MPP4: variants seen among roughly 807,000 people sequenced by gnomAD.
The protein encoded by MPP4 is MAGUK p55 scaffold protein 4.
In MPP4, 91 loss-of-function variants were observed where a neutral mutation model predicts 98.3. The observed-to-expected ratio is 0.93, with a 90% CI of 0.78 to 1.10. The LOEUF is 1.10. Ranked by LOEUF, MPP4 falls within the 50% of genes least tolerant of loss-of-function variation. MPP4 has a pLI of 0.00. For synonymous variants in MPP4, 261 were observed against 271.8 expected, an observed-to-expected ratio of 0.96 and a Z score of 0.39; for missense variants, 744 against 792.9, an observed-to-expected ratio of 0.94 and a Z score of 0.74.
chr2:201,670,563 A>G (rs1688313939), intron 11 of MPP4, among the ~76,000 whole-genome samples: 1 of 152,222 alleles, frequency 6.6e-6, no homozygotes, highest in African/African-American at 2.4e-5. Context: ...CAGGCCACAT[A>G]AGCAAATTAA....
intron 14 of MPP4, chr2:201,661,686 A>G: frequency 4.5e-6 from 2 of 447,400 alleles, no homozygotes; most frequent in South Asian, 3.1e-5. Flanking sequence ...CTTTATTCAT[A>G]TAAATTATTG....
intron 20 of MPP4, among the ~76,000 whole-genome samples, chr2:201,649,249 C>T (rs1339532329): frequency 6.6e-6 from 1 of 152,186 alleles, no homozygotes; most frequent in Non-Finnish European, 1.5e-5. Flanking sequence ...GAAACCTCAC[C>T]TCCTTGTACA....
intron 1 of MPP4, among the ~76,000 whole-genome samples, chr2:201,695,330 C>T (rs1689148449): frequency 6.6e-6 from 1 of 152,184 alleles, no homozygotes; most frequent in Non-Finnish European, 1.5e-5. Flanking sequence ...GCAAAGTTTT[C>T]CACAAGTTGC....
chr2:201,678,726 T>TG (rs1208742220), intron 10 of MPP4, among the ~76,000 whole-genome samples: 2 of 151,944 alleles, frequency 1.3e-5, no homozygotes, highest in Non-Finnish European at 2.9e-5. Flanking sequence ...GGCCTGGAGG[T>TG]GGGGGGTGTG....
At chr2:201,660,514 G>T (rs1687996215) in intron 14 of MPP4, among the ~76,000 whole-genome samples, 168 bp from the exon 15 acceptor site, 1 of 152,102 alleles carries the variant, frequency 6.6e-6, no homozygotes. Context: ...CACATGATTG[G>T]GACTGAGAAA....
intron 15 of MPP4, among the ~76,000 whole-genome samples, chr2:201,659,187 C>T (rs963230295): frequency 1.4e-5 from 2 of 148,078 alleles, no homozygotes; most frequent in African/African-American, 5.0e-5. Context: ...TTACGCCCGG[C>T]CTTGTTCTTG....
At chr2:201,687,230 C>T in intron 5 of MPP4, 61 bp downstream of exon 5, 1 of 1,357,036 alleles carries the variant, frequency 7.4e-7, no homozygotes, top group Non-Finnish European at 1.0e-6. Flanking sequence ...ATATATTTCT[C>T]CTTCCCAACT....
At position 201,685,087 on chromosome 2, in the gene MPP4, T is replaced by C; in HGVS notation, c.551A>G (p.His184Arg). Residue 184 changes from histidine (H) to arginine (R), a missense_variant, in exon 7 of 22, where the codon CAC becomes CGC. Coordinates refer to ENST00000409474, the MANE Select transcript of MPP4 (RefSeq NM_033066.3). ...TGDILVARIIHGGLAERSGLL... is the reference protein window; with the variant it reads ...TGDILVARIIRGGLAERSGLL... ...ACCACTTCTCTCCGCCAGCCCACCG[T>C]GGATGATCCTGGCCACCAAGATGTC... 1.9e-6 allele frequency: 3 copies of C among 1,612,092 alleles called. No individual in the cohort carries two copies.
intron 13 of MPP4, among the ~76,000 whole-genome samples, chr2:201,664,559 A>ATTAC (rs1233002228): frequency 6.6e-6 from 1 of 152,144 alleles, no homozygotes; most frequent in Non-Finnish European, 1.5e-5. Flanking sequence ...GAATGACTTG[A>ATTAC]TTACGTAGGC....
chr2:201,660,703 G>A lies in MPP4; in HGVS notation c.1073-357C>T, dbSNP rs78667535. 2.8e-3 allele frequency among the ~76,000 whole-genome samples: 425 copies of A among 152,156 alleles called. 5 individuals are homozygous for A. The highest frequency in any genetic ancestry group is 9.4e-3 in the African/African-American group (392 of 41,498). ...TGAGCCTTCTCCCTCCTCTCTCCCC[G>A]AGGCAGTATTGCAGCAGCTCTGTGA... On this transcript the variant is annotated intron_variant, in intron 14 of 21. Transcript: ENST00000409474.
chr2:201,650,696 G>A (rs1412640339), intron 18 of MPP4: 1 of 985,418 alleles, frequency 1.0e-6, no homozygotes, highest in Non-Finnish European at 1.2e-6. Context: ...GACTCCTCTA[G>A]ATGAGTGTTT....
chr2:201,670,555 G>A (rs1254958128), intron 11 of MPP4, among the ~76,000 whole-genome samples: 1 of 152,030 alleles, frequency 6.6e-6, no homozygotes, highest in Non-Finnish European at 1.5e-5. Context: ...AAATCACACA[G>A]GCCACATAAG....
rs772394807 is a variant in MPP4, at chr2:201,680,990, G to A, written c.777C>T (p.Pro259=). 6.8e-6 allele frequency: 11 copies of A among 1,613,724 alleles called. No individual in the cohort carries two copies. The East Asian group carries it at 8.9e-5, about 13-fold the overall frequency. ...ATCCAGCGTCCATGCAGGGGATGTCGGGATCCTCCTGGGGCCAGTACTCAG... is the reference window on the plus strand; with the variant it reads ...ATCCAGCGTCCATGCAGGGGATGTCAGGATCCTCCTGGGGCCAGTACTCAG... ...AMTEYWPQED[P]DIPCMDAGLP... is the part of the protein sequence containing the mutation. Residue 259 remains proline (P), a synonymous_variant, in exon 10 of 22, where the codon CCC becomes CCT. Transcript: ENST00000409474.
At position 201,680,868 on chromosome 2, in the gene MPP4, C is replaced by A; in HGVS notation, c.899G>T (p.Gly300Val). Residue 300 changes from glycine (G) to valine (V), a missense_variant, in exon 10 of 22, where the codon GGG (glycine) becomes GTG (valine). By Grantham distance (109) the Gly-to-Val change is moderately radical (BLOSUM62 -3). Transcript: ENST00000409474. Reference protein sequence around the residue: ...RKISDPATCAGLVPSNHLLKR... With the variant: ...RKISDPATCAVLVPSNHLLKR... ...CAGAAGGTGGTTAGAAGGGACAAGC[C>A]CAGCGCAGGTAGCAGGGTCTGAGAT... 6.2e-7 allele frequency: 1 copy of A among 1,613,328 alleles called. No homozygotes were observed. Among genetic ancestry groups the A allele is most frequent in the Non-Finnish European group, 8.5e-7 (1 of 1,179,696 alleles).
intron 18 of MPP4, among the ~76,000 whole-genome samples, chr2:201,652,511 C>G (rs548011926): frequency 1.3e-5 from 2 of 152,306 alleles, no homozygotes; most frequent in Non-Finnish European, 2.9e-5. Context: ...GACTCTTTCA[C>G]TCAGGTTTAA....
intron 13 of MPP4, 118 bp from the exon 14 acceptor site, chr2:201,664,219 A>G: frequency 6.7e-7 from 1 of 1,496,016 alleles, no homozygotes; most frequent in Non-Finnish European, 9.0e-7. Context: ...ACCTTTGTAA[A>G]GTTTTTTTCC....
At chr2:201,662,104 G>C in intron 14 of MPP4, 1 of 377,250 alleles carries the variant, frequency 2.7e-6, no homozygotes, top group South Asian at 2.2e-5. Flanking sequence ...ACTAATATTT[G>C]TAGCCATCTC....
At chr2:201,687,458 C>G (rs1265496388) in intron 4 of MPP4, 87 bp from the exon 5 acceptor site, 2 of 956,778 alleles carry the variant, frequency 2.1e-6, no homozygotes, top group African/African-American at 1.7e-5. Flanking sequence ...AACATACATA[C>G]TAACATGATA....
chr2:201,688,492 G>A (rs1688901813), intron 4 of MPP4, among the ~76,000 whole-genome samples: 2 of 152,228 alleles, frequency 1.3e-5, no homozygotes, highest in Non-Finnish European at 2.9e-5. Context: ...TGGCATTTGA[G>A]TGGAGACTGG....
Sources: gnomAD v4.1 joint callset for allele counts (sites outside exome capture counted in the v4.1 genomes callset) on GRCh38, gnomAD v4.1.1 for gene constraint, MANE v1.5 for transcripts, NCBI Gene and HGNC (gene_info 2026-07-23, HGNC 2026-07-21) for gene names.